ZNF148: variants seen among roughly 807,000 people sequenced by gnomAD.
The protein encoded by ZNF148 is zinc finger protein 148.
Under a neutral mutation model 67.7 loss-of-function variants are expected in ZNF148, and 7 were observed. The ratio of observed to expected loss-of-function variants is 0.10; its 90% confidence interval spans 0.06 to 0.19. The LOEUF (loss-of-function observed/expected upper bound fraction) is 0.19, where lower values mean the gene tolerates loss of function less well. ZNF148 is among the 10% of genes least tolerant of loss of function. ZNF148 has a pLI of 1.00. For synonymous variants in ZNF148, 333 were observed against 330.7 expected (o/e 1.01, Z -0.08); for missense variants, 583 against 947.1 (o/e 0.62, Z 5.05).
At chr3:125,279,872 A>T (rs757340111) in intron 5 of ZNF148, among the ~76,000 whole-genome samples, 1 of 152,190 alleles carries the variant, frequency 6.6e-6, no homozygotes, top group African/African-American at 2.4e-5. Flanking sequence ...ATATATATAC[A>T]GAAGTATATA....
At chr3:125,299,854 GA>G (rs1364652492) in intron 4 of ZNF148, among the ~76,000 whole-genome samples, 1 of 152,180 alleles carries the variant, frequency 6.6e-6, no homozygotes, top group Admixed American at 6.5e-5. Context: ...AAAATCTTGT[GA>G]AAAAACTAGA....
At chr3:125,240,878 C>A (rs1193208013) in intron 7 of ZNF148, among the ~76,000 whole-genome samples, 3 of 151,996 alleles carry the variant, frequency 2.0e-5, no homozygotes, top group African/African-American at 7.2e-5. Flanking sequence ...CTCCTCCCAA[C>A]TAAATAGAGC....
At chr3:125,349,389 A>C (rs753734182) in intron 1 of ZNF148, among the ~76,000 whole-genome samples, 28 of 152,234 alleles carry the variant, frequency 1.8e-4, no homozygotes, top group Non-Finnish European at 4.0e-4. Context: ...GCAAAAAATA[A>C]CAAATAGCCT....
chr3:125,349,872 A>G (rs1434343148), intron 1 of ZNF148, among the ~76,000 whole-genome samples: 3 of 152,200 alleles, frequency 2.0e-5, no homozygotes, highest in Non-Finnish European at 2.9e-5. Context: ...CAGAGCTACT[A>G]TTTGACCCCA....
At chr3:125,341,199 A>T (rs1205154677) in intron 1 of ZNF148, among the ~76,000 whole-genome samples, 1 of 151,770 alleles carries the variant, frequency 6.6e-6, no homozygotes, top group Non-Finnish European at 1.5e-5. Context: ...CATAATAAAA[A>T]TGTTTCCACA....
chr3:125,260,388 G>C (rs551207080), intron 7 of ZNF148, among the ~76,000 whole-genome samples: 15 of 151,918 alleles, frequency 9.9e-5, no homozygotes, highest in Non-Finnish European at 1.5e-4. Context: ...ATATGACCCA[G>C]CAATATCACT....
intron 1 of ZNF148, among the ~76,000 whole-genome samples, chr3:125,352,369 GT>G (rs1250793028): frequency 6.6e-6 from 1 of 152,176 alleles, no homozygotes; most frequent in East Asian, 1.9e-4. Context: ...TAGACTAGTA[GT>G]TGCCAGGGAC....
chr3:125,364,331 G>A lies in ZNF148; in HGVS notation c.-234+10771C>T, dbSNP rs150507199. On this transcript the variant is annotated intron_variant, in intron 1 of 8. Coordinates refer to ENST00000360647, the MANE Select transcript of ZNF148 (RefSeq NM_021964.3). ...GGAGAATAGCTTGAACCCAGAAGGC[G>A]GAGGTTGCAGTGAGCAGACATCGCA... Among the ~76,000 whole-genome samples the A allele has an allele frequency of 5.1e-3, 781 of 152,176 alleles. 4 individuals are homozygous for A. Among genetic ancestry groups the A allele is most frequent in the Middle Eastern group, 0.014 (4 of 294 alleles).
chr3:125,372,287 C>T (rs184142119), intron 1 of ZNF148, among the ~76,000 whole-genome samples: 2 of 152,270 alleles, frequency 1.3e-5, no homozygotes, highest in Admixed American at 6.5e-5. Context: ...GAAAGCCATA[C>T]CTAGGCTAAA....
At chr3:125,325,494 C>A (rs139226646) in intron 2 of ZNF148, among the ~76,000 whole-genome samples, 14 of 152,098 alleles carry the variant, frequency 9.2e-5, no homozygotes, top group African/African-American at 2.7e-4. Flanking sequence ...GAGACAGAGT[C>A]TCACTCAGTT....
At position 125,228,242 on chromosome 3, in the gene ZNF148, G is replaced by A. The variant is rs1310675656; in HGVS notation, c.*4099C>T. 6.6e-6 allele frequency: 1 copy of A among 152,576 alleles called. No homozygotes were observed. Among genetic ancestry groups the A allele is most frequent in the East Asian group, 1.9e-4 (1 of 5,204 alleles). 9.5% of individuals were successfully genotyped at this position (152,576 alleles called of 1,614,324 possible). On this transcript the variant is annotated 3_prime_UTR_variant, in exon 9 of 9. Transcript: ENST00000360647. ...AAAAAAAACCACATCCCTTCCTTCA[G>A]TGTGATGGGCACTAAGTTTTGCGGT...
chr3:125,236,463 A>G (rs1936095473), intron 7 of ZNF148, among the ~76,000 whole-genome samples: 1 of 152,124 alleles, frequency 6.6e-6, no homozygotes, highest in Non-Finnish European at 1.5e-5. Flanking sequence ...ATGATTTGGA[A>G]TGGTTTCTTA....
At chr3:125,363,224 G>A (rs932444441) in intron 1 of ZNF148, among the ~76,000 whole-genome samples, 25 of 152,208 alleles carry the variant, frequency 1.6e-4, no homozygotes, top group African/African-American at 4.6e-4. Flanking sequence ...TTTTTAACTA[G>A]ATTCTTCAAC....
At chr3:125,367,948 G>A (rs1314092667) in intron 1 of ZNF148, among the ~76,000 whole-genome samples, 1 of 152,196 alleles carries the variant, frequency 6.6e-6, no homozygotes, top group Non-Finnish European at 1.5e-5. Context: ...TAGCTAAAAT[G>A]AAACAGGCAG....
chr3:125,338,590 G>T (rs559021650), intron 1 of ZNF148, among the ~76,000 whole-genome samples: 150 of 127,566 alleles, frequency 1.2e-3, no homozygotes, highest in African/African-American at 4.3e-3. Context: ...AGCCTGGGGG[G>T]CAAAGGTCGC....
In ZNF148 at chr3:125,232,179, C is replaced by T; in HGVS notation, c.*162G>A. On this transcript the variant is annotated 3_prime_UTR_variant, in exon 9 of 9. Coordinates refer to ENST00000360647, the MANE Select transcript of ZNF148 (RefSeq NM_021964.3). The surrounding 1 kb of genome is among the most constrained non-coding windows in gnomAD (Gnocchi z 4.2). ...GGCAGTTCAAAGAATGCTGACTAACCAAACGAAATGCAGTTATTGGATTAT... is the reference window on the plus strand; with the variant it reads ...GGCAGTTCAAAGAATGCTGACTAACTAAACGAAATGCAGTTATTGGATTAT... 1.2e-6 allele frequency: 1 copy of T among 856,248 alleles called. No individual in the cohort carries two copies. The highest frequency in any genetic ancestry group is 1.7e-6 in the Non-Finnish European group (1 of 593,040). 53.0% of individuals were successfully genotyped at this position (856,248 alleles called of 1,614,324 possible). A position where few individuals can be genotyped will look rare whatever the true frequency, so the allele number is the denominator to read the frequency against.
intron 7 of ZNF148, among the ~76,000 whole-genome samples, chr3:125,275,414 A>T (rs1214324513): frequency 6.6e-6 from 1 of 152,158 alleles, no homozygotes; most frequent in Non-Finnish European, 1.5e-5. Context: ...AAAAGGCCCA[A>T]ATATAACTTT....
chr3:125,331,672 C>A (rs927737517), intron 1 of ZNF148, among the ~76,000 whole-genome samples: 1 of 152,122 alleles, frequency 6.6e-6, no homozygotes, highest in East Asian at 1.9e-4. Context: ...CTGAAAAAAT[C>A]TAAATATATT....
chr3:125,238,604 G>A (rs1391019233), intron 7 of ZNF148, among the ~76,000 whole-genome samples: 1 of 152,142 alleles, frequency 6.6e-6, no homozygotes, highest in Non-Finnish European at 1.5e-5. Context: ...CTCTAGTCTG[G>A]GCGACAGAAA....
Sources: gnomAD v4.1 joint callset for allele counts (sites outside exome capture counted in the v4.1 genomes callset) on GRCh38, gnomAD v4.1.1 for gene constraint, Gnocchi (gnomAD v3.1) non-coding constraint, MANE v1.5 for transcripts, NCBI Gene and HGNC (gene_info 2026-07-23, HGNC 2026-07-21) for gene names.